The following OR4Q3 variants were observed in gnomAD, a reference collection of about 807,000 sequenced individuals.
OR4Q3 encodes the protein olfactory receptor family 4 subfamily Q member 3.
In OR4Q3, 17 loss-of-function variants were observed where a neutral mutation model predicts 18.8. The observed-to-expected ratio is 0.91, with a 90% CI of 0.62 to 1.36. OR4Q3 has a LOEUF of 1.36. Ranked by LOEUF, OR4Q3 falls within the 40% of genes most tolerant of loss-of-function variation. The pLI is 0.00. For missense variants in OR4Q3, 378 were observed against 373.4 expected (o/e 1.01, Z -0.10); for synonymous variants, 158 against 145.8 (o/e 1.08, Z -0.60).
At chr14:19,749,846 ACTTC>A, downstream of OR4Q3, among the ~76,000 whole-genome samples, 3 of 124,778 alleles carry the variant, frequency 2.4e-5, no homozygotes, top group African/African-American at 9.4e-5. Flanking sequence ...TATACAGATT[ACTTC>A]TTTCTTTCTT....
downstream of OR4Q3, among the ~76,000 whole-genome samples, chr14:19,750,944 G>A: frequency 1.3e-5 from 2 of 152,232 alleles, no homozygotes; most frequent in East Asian, 1.9e-4. Flanking sequence ...CTGAAGTGCA[G>A]GAAACTGCCC....
chr14:19,750,991 T>G, downstream of OR4Q3, among the ~76,000 whole-genome samples: 2 of 152,372 alleles, frequency 1.3e-5, no homozygotes, highest in East Asian at 3.9e-4. Context: ...ATTTGAGTGG[T>G]GCTAGGGATT....
Position 19,747,940 on chromosome 14 carries a change from G to A in OR4Q3, c.537G>A (p.Gly179=). ...TAGTCATCCAGCTGCCTTTCTGTGG[G>A]CCCAATGAACTGGACAACTTCTACT... Residue 179 remains glycine, a synonymous_variant, in exon 2 of 2, where the codon GGG becomes GGA. Transcript: ENST00000642117. The A allele has an allele frequency of 3.1e-6, 5 of 1,613,898 alleles. No homozygotes were observed. The Admixed American group carries it at 5.0e-5, about 16-fold the overall frequency.
chr14:19,747,741 T>C, exon 2 of OR4Q3: 1 of 1,613,854 alleles, frequency 6.2e-7, no homozygotes, highest in Non-Finnish European at 8.5e-7. Context: ...ATCTACTTCC[T>C]CCACTTTCTA....
chr14:19,750,275 A>T, downstream of OR4Q3, among the ~76,000 whole-genome samples: 1 of 152,306 alleles, frequency 6.6e-6, no homozygotes, highest in South Asian at 2.1e-4. Context: ...ATGAGCCACG[A>T]CACCCGGCCA....
At chr14:19,751,532 AG>A, downstream of OR4Q3, among the ~76,000 whole-genome samples, 1 of 149,352 alleles carries the variant, frequency 6.7e-6, no homozygotes, top group African/African-American at 2.5e-5. Flanking sequence ...TGGTTAGTAG[AG>A]TTTTTTTTTT....
chr14:19,751,636 G>A, downstream of OR4Q3, among the ~76,000 whole-genome samples: 2 of 152,206 alleles, frequency 1.3e-5, no homozygotes, highest in East Asian at 3.9e-4. Context: ...TGTTGTTCCA[G>A]GAATTTATCA....
chr14:19,748,293 C>T, exon 2 of OR4Q3: 4 of 1,613,822 alleles, frequency 2.5e-6, no homozygotes, highest in Non-Finnish European at 1.7e-6. Flanking sequence ...CTCATCTACA[C>T]ACTCAGAAAT....
At chr14:19,747,571 A>C in exon 2 of OR4Q3, 2 of 1,613,852 alleles carry the variant, frequency 1.2e-6, no homozygotes, top group African/African-American at 2.7e-5. Context: ...TAGTGGTAAC[A>C]GTGCAAGCCC....
chr14:19,748,097 A>G, exon 2 of OR4Q3: 6 of 1,614,048 alleles, frequency 3.7e-6, no homozygotes, highest in Non-Finnish European at 5.1e-6. Context: ...TATCATCCTG[A>G]TCACCCTGAG....
At chr14:19,748,007 T>C in exon 2 of OR4Q3, 2 of 1,614,082 alleles carry the variant, frequency 1.2e-6, no homozygotes, top group African/African-American at 2.7e-5. Flanking sequence ...CATGGACACC[T>C]ATGTGGTAGA....
At chr14:19,749,345 T>C in exon 2 of OR4Q3, 1 of 152,438 alleles carries the variant, frequency 6.6e-6, no homozygotes, top group South Asian at 2.1e-4. Flanking sequence ...CTCTTTGTAA[T>C]CCCAGCACTT....
chr14:19,745,666 T>C, intron 1 of OR4Q3, among the ~76,000 whole-genome samples: 10 of 152,216 alleles, frequency 6.6e-5, no homozygotes. Flanking sequence ...CTGTTAATTA[T>C]ACATTTTAGA....
At chr14:19,746,815 C>T in intron 1 of OR4Q3, among the ~76,000 whole-genome samples, 3 of 152,202 alleles carry the variant, frequency 2.0e-5, no homozygotes, top group South Asian at 2.1e-4. Flanking sequence ...ATTCTTCCTT[C>T]GATTTGATAA....
chr14:19,747,518 T>C, exon 2 of OR4Q3: 4 of 1,613,518 alleles, frequency 2.5e-6, no homozygotes, highest in Admixed American at 1.7e-5. Context: ...CTTCTTACTA[T>C]TTTTGTTTTT....
chr14:19,745,434 G>A lies in OR4Q3; in HGVS notation c.2+1763G>A. 3.3e-3 allele frequency among the ~76,000 whole-genome samples: 498 copies of A among 152,148 alleles called. 1 individual carries two copies. Among genetic ancestry groups the A allele is most frequent in the Non-Finnish European group, 5.7e-3 (385 of 67,954 alleles). ...AAAAACAAGTGTACCATACACCTTT[G>A]GTATACTATGCCTTCACATTAGGAA... On this transcript the variant is annotated intron_variant, in intron 1 of 1. Coordinates refer to ENST00000642117, the Ensembl canonical transcript of OR4Q3.
chr14:19,744,054 T>A (rs1877374016), intron 1 of OR4Q3, among the ~76,000 whole-genome samples: 1 of 150,678 alleles, frequency 6.6e-6, no homozygotes, highest in African/African-American at 2.4e-5. Context: ...TAAAGTTTCT[T>A]TTTACTAAAA....
At position 19,746,506 on chromosome 14, in the gene OR4Q3, G is replaced by C; in HGVS notation, c.3-900G>C. 3.3e-3 allele frequency among the ~76,000 whole-genome samples: 502 copies of C among 152,230 alleles called. 2 individuals carry two copies. Among genetic ancestry groups the C allele is most frequent in the African/African-American group, 0.011 (472 of 41,508 alleles). On this transcript the variant is annotated intron_variant, in intron 1 of 1. Transcript: ENST00000642117. ...ACTCTGTCCTGTAAAGGGTCATGGTGGGCTTTTGTGCATGCCTCCGTGATA... is the reference window on the plus strand; with the variant it reads ...ACTCTGTCCTGTAAAGGGTCATGGTCGGCTTTTGTGCATGCCTCCGTGATA...
chr14:19,746,606 C>T, intron 1 of OR4Q3, among the ~76,000 whole-genome samples: 19,259 of 149,426 alleles, frequency 0.13, 564 homozygotes, highest in South Asian at 0.23. Flanking sequence ...CCGAGTCTGA[C>T]GCTTCCCTAA....
Sources: gnomAD v4.1 joint callset for allele counts (sites outside exome capture counted in the v4.1 genomes callset) on GRCh38, gnomAD v4.1.1 for gene constraint, MANE v1.5 for transcripts, NCBI Gene and HGNC (gene_info 2026-07-23, HGNC 2026-07-21) for gene names.